Variants in NUBPL observed in about 807,000 individuals in gnomAD.
The protein encoded by NUBPL is iron-sulfur cluster transfer protein NUBPL.
In NUBPL, 31 loss-of-function variants were observed where a neutral mutation model predicts 45.7. The ratio of observed to expected loss-of-function variants is 0.68; its 90% CI spans 0.51 to 0.92. NUBPL has a LOEUF of 0.92. Ranked by LOEUF, NUBPL falls within the 40% of genes least tolerant of loss-of-function variation. The probability of loss-of-function intolerance (pLI) is 0.00; values close to 1 mark genes in which losing one functional copy is unlikely to be tolerated. For synonymous variants in NUBPL, 144 were observed against 140.9 expected, an observed-to-expected ratio of 1.02 and a Z score of -0.15; for missense variants, 401 against 398.7, an observed-to-expected ratio of 1.01 and a Z score of -0.05.
intron 7 of NUBPL, among the ~76,000 whole-genome samples, chr14:31,808,223 A>G (rs2138891072): frequency 6.6e-6 from 1 of 152,240 alleles, no homozygotes; most frequent in Middle Eastern, 3.4e-3. Context: ...CAGTATGGCC[A>G]TTTTCACGAT....
intron 3 of NUBPL, among the ~76,000 whole-genome samples, chr14:31,583,872 A>G (rs550799649): frequency 6.6e-6 from 1 of 152,300 alleles, no homozygotes; most frequent in African/African-American, 2.4e-5. Flanking sequence ...GGGCTCAAGG[A>G]TGACCGCTAT....
intron 6 of NUBPL, among the ~76,000 whole-genome samples, chr14:31,779,119 A>G (rs1011774232): frequency 6.6e-6 from 1 of 151,894 alleles, no homozygotes. Context: ...AGGCGGGTGG[A>G]TTACCTGAGG....
intron 7 of NUBPL, among the ~76,000 whole-genome samples, chr14:31,807,261 C>T (rs1021386664): frequency 7.9e-5 from 12 of 151,978 alleles, no homozygotes; most frequent in Non-Finnish European, 1.3e-4. Context: ...ATTCCTGTTT[C>T]TCTACATACT....
chr14:31,708,640 T>C (rs2037504448), intron 6 of NUBPL, among the ~76,000 whole-genome samples: 1 of 152,186 alleles, frequency 6.6e-6, no homozygotes. Context: ...AGGACAGTCG[T>C]CCAGGACAGG....
intron 6 of NUBPL, among the ~76,000 whole-genome samples, chr14:31,782,064 A>G (rs1286163178): frequency 6.6e-6 from 1 of 152,144 alleles, no homozygotes; most frequent in Non-Finnish European, 1.5e-5. Context: ...TTCTCACTGA[A>G]GAACATATTT....
At chr14:31,791,821 T>C (rs1406468886) in intron 7 of NUBPL, among the ~76,000 whole-genome samples, 1 of 152,220 alleles carries the variant, frequency 6.6e-6, no homozygotes, top group East Asian at 1.9e-4. Context: ...CATACCTTGC[T>C]TTCTTTGCTT....
At position 31,787,038 on chromosome 14, in the gene NUBPL, G is replaced by A. The variant is rs565742414; in HGVS notation, c.514-742G>A. On this transcript the variant is annotated intron_variant, in intron 6 of 10. Coordinates refer to ENST00000281081, the MANE Select transcript of NUBPL (RefSeq NM_025152.3). ...AGTGGGTGTGTTTGAGAGATTTTTAGAAGGCAGAATAACTGATTGGGGATA... is the reference window on the plus strand; with the variant it reads ...AGTGGGTGTGTTTGAGAGATTTTTAAAAGGCAGAATAACTGATTGGGGATA... Among the ~76,000 whole-genome samples, 14 of 152,274 alleles carry A rather than the reference G, an allele frequency of 9.2e-5. No homozygotes were observed. In the East Asian group the frequency reaches 2.7e-3, roughly 29 times the overall value.
intron 4 of NUBPL, among the ~76,000 whole-genome samples, chr14:31,654,570 G>A (rs575726424): frequency 6.6e-6 from 1 of 152,010 alleles, no homozygotes; most frequent in East Asian, 1.9e-4. Context: ...CACCACACCT[G>A]GCTAATTTTT....
chr14:31,712,516 C>T (rs2037598250), intron 6 of NUBPL, among the ~76,000 whole-genome samples: 1 of 152,240 alleles, frequency 6.6e-6, no homozygotes, highest in African/African-American at 2.4e-5. Context: ...ATGCCTCTCC[C>T]TTCACACCTC....
At chr14:31,751,410 G>C (rs2038526362) in intron 6 of NUBPL, among the ~76,000 whole-genome samples, 1 of 152,260 alleles carries the variant, frequency 6.6e-6, no homozygotes, top group Non-Finnish European at 1.5e-5. Context: ...AAATGTTTCT[G>C]TTTGAAATGG....
chr14:31,799,797 T>G (rs1252799331), intron 7 of NUBPL, among the ~76,000 whole-genome samples: 2 of 152,220 alleles, frequency 1.3e-5, no homozygotes, highest in Non-Finnish European at 2.9e-5. Context: ...TTGCTGACGG[T>G]TGGAGTGGCT....
intron 6 of NUBPL, among the ~76,000 whole-genome samples, chr14:31,752,324 A>G (rs1036154516): frequency 2.0e-5 from 3 of 152,230 alleles, no homozygotes; most frequent in Non-Finnish European, 4.4e-5. Context: ...TTGTGAACAC[A>G]TATGACTATA....
At chr14:31,782,831 A>C (rs2039217263) in intron 6 of NUBPL, among the ~76,000 whole-genome samples, 1 of 152,148 alleles carries the variant, frequency 6.6e-6, no homozygotes. Flanking sequence ...GAAATCTTGA[A>C]TTGCCTATTG....
intron 6 of NUBPL, among the ~76,000 whole-genome samples, chr14:31,740,954 G>C (rs2038269857): frequency 6.6e-6 from 1 of 152,084 alleles, no homozygotes; most frequent in Non-Finnish European, 1.5e-5. Context: ...TTCTTCTCCA[G>C]CATTTCTTTT....
intron 6 of NUBPL, among the ~76,000 whole-genome samples, chr14:31,724,797 C>T (rs1203107852): frequency 6.6e-6 from 1 of 151,918 alleles, no homozygotes; most frequent in Admixed American, 6.6e-5. Flanking sequence ...TAAATGAAAA[C>T]CGTATAGTAT....
At chr14:31,768,068 G>T (rs191901776) in intron 6 of NUBPL, among the ~76,000 whole-genome samples, 1 of 152,162 alleles carries the variant, frequency 6.6e-6, no homozygotes, top group African/African-American at 2.4e-5. Context: ...TAGACTATCA[G>T]TCTTCCAATT....
intron 6 of NUBPL, among the ~76,000 whole-genome samples, chr14:31,673,824 G>A (rs2036631303): frequency 6.6e-6 from 1 of 151,988 alleles, no homozygotes; most frequent in South Asian, 2.1e-4. Flanking sequence ...TTCTTGCTTT[G>A]ACTGTGTCTG....
At chr14:31,733,244 A>G (rs542193405) in intron 6 of NUBPL, among the ~76,000 whole-genome samples, 81 of 152,276 alleles carry the variant, frequency 5.3e-4, no homozygotes, top group African/African-American at 1.9e-3. Flanking sequence ...TGAATTCTGT[A>G]TGCTGTTGCC....
chr14:31,777,866 G>A (rs1310254676), intron 6 of NUBPL, among the ~76,000 whole-genome samples: 1 of 152,200 alleles, frequency 6.6e-6, no homozygotes, highest in African/African-American at 2.4e-5. Flanking sequence ...CACAAGCAAG[G>A]GAGTCTAGGG....
Sources: gnomAD v4.1 joint callset for allele counts (sites outside exome capture counted in the v4.1 genomes callset) on GRCh38, gnomAD v4.1.1 for gene constraint, MANE v1.5 for transcripts, NCBI Gene and HGNC (gene_info 2026-07-23, HGNC 2026-07-21) for gene names.